Variants in MYH10 observed in about 807,000 individuals in gnomAD.
The protein encoded by MYH10 is myosin heavy chain 10, also known as myosin-10.
MYH10 carries 55 observed loss-of-function variants against 257.8 expected under a neutral mutation model. That is an observed-to-expected ratio of 0.21 (90% confidence interval 0.17 to 0.27). MYH10 has a LOEUF of 0.27. Ranked by LOEUF, MYH10 falls within the 10% of genes least tolerant of loss-of-function variation. The pLI is 1.00. For missense variants in MYH10, 1,631 were observed against 2,500.6 expected (o/e 0.65, Z 7.42); for synonymous variants, 854 against 921.7 (o/e 0.93, Z 1.33).
intron 6 of MYH10, among the ~76,000 whole-genome samples, chr17:8,570,853 C>T (rs1022907909): frequency 6.6e-6 from 1 of 152,148 alleles, no homozygotes; most frequent in Non-Finnish European, 1.5e-5. Flanking sequence ...TTCTGTCACG[C>T]CGCCCTGGTG....
intron 6 of MYH10, among the ~76,000 whole-genome samples, chr17:8,574,933 G>A (rs1261137622): frequency 2.6e-5 from 4 of 152,202 alleles, no homozygotes; most frequent in African/African-American, 4.8e-5. Context: ...AGTATTTCAC[G>A]TTCCTCAGTT....
chr17:8,558,117 T>G (rs2082868717), intron 7 of MYH10, among the ~76,000 whole-genome samples: 1 of 152,244 alleles, frequency 6.6e-6, no homozygotes, highest in Non-Finnish European at 1.5e-5. Context: ...TTTTGTTTTA[T>G]GGTGTGGAGA....
At chr17:8,589,039 A>G (rs1264725057) in intron 4 of MYH10, 42 bp downstream of exon 4, 1 of 1,605,938 alleles carries the variant, frequency 6.2e-7, no homozygotes, top group Non-Finnish European at 8.5e-7. Flanking sequence ...TCCACTTTCC[A>G]AGAAAATCAA....
intron 7 of MYH10, among the ~76,000 whole-genome samples, chr17:8,567,895 T>C (rs536412616): frequency 3.3e-5 from 5 of 152,188 alleles, no homozygotes; most frequent in Non-Finnish European, 7.4e-5. Flanking sequence ...TGAACAACTA[T>C]GTTTCGTTAA....
At chr17:8,584,371 G>C (rs891225572) in intron 4 of MYH10, among the ~76,000 whole-genome samples, 1 of 152,184 alleles carries the variant, frequency 6.6e-6, no homozygotes, top group African/African-American at 2.4e-5. Context: ...AATATAGAAA[G>C]TGTATTTGGG....
chr17:8,539,276 A>G (rs990480473), intron 14 of MYH10, among the ~76,000 whole-genome samples: 8 of 152,178 alleles, frequency 5.3e-5, no homozygotes, highest in African/African-American at 7.2e-5. Flanking sequence ...TCCCTAAAAT[A>G]CCACTTTCAA....
At chr17:8,534,362 C>T (rs1023113056) in intron 16 of MYH10, among the ~76,000 whole-genome samples, 3 of 152,226 alleles carry the variant, frequency 2.0e-5, no homozygotes, top group Admixed American at 6.5e-5. Context: ...AGGACGCATG[C>T]GTGCCTGTGT....
chr17:8,588,786 T>C (rs774357890), intron 4 of MYH10, among the ~76,000 whole-genome samples: 4 of 152,220 alleles, frequency 2.6e-5, no homozygotes, highest in Non-Finnish European at 5.9e-5. Flanking sequence ...TAAATGCTTA[T>C]TGAGTAAAAA....
intron 32 of MYH10, among the ~76,000 whole-genome samples, 174 bp downstream of exon 32, chr17:8,493,559 T>C (rs1916100612): frequency 6.6e-6 from 1 of 152,326 alleles, no homozygotes; most frequent in East Asian, 1.9e-4. Flanking sequence ...TTTTAAGGGC[T>C]TCCAGCATTA....
chr17:8,549,334 T>C (rs1176491421), intron 9 of MYH10, among the ~76,000 whole-genome samples: 1 of 152,168 alleles, frequency 6.6e-6, no homozygotes, highest in South Asian at 2.1e-4. Context: ...GGTGGTTAAG[T>C]TGCCTTTAGA....
In MYH10 at chr17:8,572,733, C is replaced by T. The variant is rs58837953; in HGVS notation, c.664-2921G>A. ...ACTCCTCCGTCCCTGTTGCTGGTCCCACTACATTGATAGTGTCATGGTATC... is the reference window on the plus strand; with the variant it reads ...ACTCCTCCGTCCCTGTTGCTGGTCCTACTACATTGATAGTGTCATGGTATC... On this transcript the variant is annotated intron_variant, in intron 6 of 42. Coordinates refer to ENST00000360416, the MANE Select transcript of MYH10 (RefSeq NM_001256012.3). Among the ~76,000 whole-genome samples, 936 of 152,180 alleles carry T rather than the reference C, an allele frequency of 6.2e-3. 11 individuals are homozygous for T. Among genetic ancestry groups the T allele is most frequent in the African/African-American group, 0.022 (900 of 41,502 alleles).
chr17:8,618,359 C>A (rs574105602), intron 2 of MYH10, among the ~76,000 whole-genome samples: 97 of 151,998 alleles, frequency 6.4e-4, no homozygotes, highest in African/African-American at 2.3e-3. Context: ...CCTGCCTCAG[C>A]CTCCCAAGTA....
intron 2 of MYH10, among the ~76,000 whole-genome samples, chr17:8,611,875 A>G (rs142502653): frequency 5.9e-5 from 9 of 152,336 alleles, no homozygotes; most frequent in East Asian, 1.9e-4. Context: ...TCCCGGACCA[A>G]CAAAAGCCAT....
intron 4 of MYH10, among the ~76,000 whole-genome samples, chr17:8,584,874 G>A (rs565613638): frequency 3.6e-4 from 55 of 151,934 alleles, no homozygotes; most frequent in African/African-American, 1.2e-3. Context: ...ACGGAGTTTC[G>A]CTCTTATTGC....
intron 32 of MYH10, 81 bp downstream of exon 32, chr17:8,493,652 G>C (rs1916113899): frequency 1.4e-6 from 2 of 1,481,202 alleles, no homozygotes; most frequent in East Asian, 2.3e-5. Flanking sequence ...AAATGGAGCT[G>C]AGACAGCCCA....
intron 31 of MYH10, 50 bp from the exon 32 acceptor site, chr17:8,493,935 A>T: frequency 6.4e-7 from 1 of 1,558,794 alleles, no homozygotes. Flanking sequence ...TATCACCAAA[A>T]CAAATACACC....
chr17:8,475,545 T>C lies in MYH10; in HGVS notation c.*259A>G, dbSNP rs182292040. 426 of 419,018 alleles carry C rather than the reference T, an allele frequency of 1.0e-3. 3 individuals carry two copies. The highest frequency in any genetic ancestry group is 7.8e-3 in the African/African-American group (388 of 49,866). 26.0% of individuals were successfully genotyped at this position (419,018 alleles called of 1,614,324 possible). A position where few individuals can be genotyped will look rare whatever the true frequency, so the allele number is the denominator to read the frequency against. ...TACCATGTTTTATAAAATGGTCTCT[T>C]GATGACTATATGGAAAATAGATGCA... On this transcript the variant is annotated 3_prime_UTR_variant, in exon 43 of 43. Transcript: ENST00000360416.
Position 8,476,048 on chromosome 17 carries a change from C to T in MYH10, c.5880-100G>A, listed in dbSNP as rs148746266. 2,982 of 1,357,878 alleles carry T rather than the reference C, an allele frequency of 2.2e-3. 11 individuals are homozygous for T. Among genetic ancestry groups the T allele is most frequent in the Middle Eastern group, 0.017 (63 of 3,758 alleles). The allele number at this position is 1,357,878 out of a possible 1,614,324, so 84.1% of individuals were successfully genotyped here. A position where few individuals can be genotyped will look rare whatever the true frequency, so the allele number is the denominator to read the frequency against. ...AATGCCACGGAACCTTCCCCTTGCA[C>T]CCCCTCCTCGGACACACGACCTTGT... On this transcript the variant is annotated intron_variant, in intron 42 of 42. Transcript: ENST00000360416.
intron 2 of MYH10, among the ~76,000 whole-genome samples, chr17:8,610,271 C>CAAAAGAAAAAAAAAAAAAAA (rs2084978168): frequency 2.2e-5 from 1 of 45,972 alleles, no homozygotes; most frequent in African/African-American, 1.0e-4. Context: ...CATAGGATTG[C>CAAAAGAAAAAAAAAAAAAAA]AAAAAAAAAA....
Sources: allele counts gnomAD v4.1 joint callset (sites outside exome capture counted in the v4.1 genomes callset), GRCh38; gene constraint gnomAD v4.1.1; transcripts MANE v1.5; gene names NCBI Gene and HGNC (gene_info 2026-07-23, HGNC 2026-07-21).